The following BCAS1 variants were observed in gnomAD, a reference collection of about 807,000 sequenced individuals.
BCAS1 encodes the protein brain enriched myelin associated protein 1, also known as breast carcinoma-amplified sequence 1.
Under a neutral mutation model 65.4 loss-of-function variants are expected in BCAS1, and 46 were observed. The ratio of observed to expected loss-of-function variants is 0.70; its 90% confidence interval spans 0.55 to 0.90. The LOEUF (loss-of-function observed/expected upper bound fraction) is 0.90, where lower values mean the gene tolerates loss of function less well. Among genes scored for constraint, BCAS1 ranks in the 40% least tolerant of loss-of-function variants. The pLI is 0.00. For synonymous variants in BCAS1, 298 were observed against 293.5 expected, an observed-to-expected ratio of 1.02 and a Z score of -0.16; for missense variants, 793 against 771.2, an observed-to-expected ratio of 1.03 and a Z score of -0.33.
intron 3 of BCAS1, among the ~76,000 whole-genome samples, chr20:54,033,724 A>T (rs1440859625): frequency 2.0e-5 from 3 of 151,304 alleles, no homozygotes; most frequent in Non-Finnish European, 4.4e-5. Context: ...CAGTTGTACA[A>T]AGAAGAGCTG....
At chr20:54,017,189 C>T (rs2050194747) in intron 4 of BCAS1, among the ~76,000 whole-genome samples, 1 of 152,178 alleles carries the variant, frequency 6.6e-6, no homozygotes. Context: ...TTTCTCTTTT[C>T]TCCCTCAGCA....
At chr20:53,993,665 C>T (rs1029641515) in intron 6 of BCAS1, among the ~76,000 whole-genome samples, 1 of 152,156 alleles carries the variant, frequency 6.6e-6, no homozygotes, top group Non-Finnish European at 1.5e-5. Flanking sequence ...TGTTTAGAGC[C>T]TTTTACGCTA....
chr20:54,052,871 A>G (rs1164450785), intron 3 of BCAS1, among the ~76,000 whole-genome samples: 1 of 152,242 alleles, frequency 6.6e-6, no homozygotes, highest in African/African-American at 2.4e-5. Context: ...TTACGAGACC[A>G]TTGTACGGAT....
chr20:54,033,041 CT>C (rs1348634719), intron 3 of BCAS1, among the ~76,000 whole-genome samples: 3 of 151,238 alleles, frequency 2.0e-5, no homozygotes, highest in Middle Eastern at 3.2e-3. Context: ...TGACCTGCTC[CT>C]GAATGACTTT....
At chr20:53,946,538 G>A (rs1159400210) in intron 12 of BCAS1, among the ~76,000 whole-genome samples, 1 of 149,964 alleles carries the variant, frequency 6.7e-6, no homozygotes, top group South Asian at 2.1e-4. Context: ...CACATAGAGA[G>A]AGTATAGTAT....
chr20:54,028,456 T>C lies in BCAS1; in HGVS notation c.659A>G (p.His220Arg), dbSNP rs750308306. Residue 220 changes from histidine (H) to arginine (R), a missense_variant, in exon 4 of 13, where the codon CAT becomes CGT. Physicochemically the swap from His to Arg is conservative, Grantham distance 29. Coordinates refer to ENST00000688948, the MANE Select transcript of BCAS1 (RefSeq NM_001366298.2). ...DSQQEAKRAE[H>R]QDKVDEVPGL... ...AGGAACCTCATCCACCTTGTCTTGA[T>C]GCTCTGCCCTCTTGGCTTCCTGTTG... is the stretch of plus-strand genomic sequence containing the variant. The C allele has an allele frequency of 6.2e-7, 1 of 1,614,146 alleles. No individual in the cohort carries two copies. Among genetic ancestry groups the C allele is most frequent in the African/African-American group, 1.3e-5 (1 of 74,956 alleles).
At chr20:53,998,582 G>A (rs1208095860) in intron 4 of BCAS1, among the ~76,000 whole-genome samples, 1 of 152,228 alleles carries the variant, frequency 6.6e-6, no homozygotes, top group African/African-American at 2.4e-5. Context: ...GATGGCCCAA[G>A]CCATTCATGA....
At chr20:53,979,065 T>A (rs2090409761) in intron 8 of BCAS1, among the ~76,000 whole-genome samples, 1 of 152,082 alleles carries the variant, frequency 6.6e-6, no homozygotes, top group South Asian at 2.1e-4. Flanking sequence ...CCCACATGGT[T>A]CCTCTTGGTA....
At chr20:54,069,555 C>T (rs963537119) in intron 1 of BCAS1, among the ~76,000 whole-genome samples, 3 of 152,204 alleles carry the variant, frequency 2.0e-5, no homozygotes, top group African/African-American at 7.2e-5. Context: ...TTCCATGAGA[C>T]CTGGAACCAG....
In BCAS1 at chr20:53,953,687, G is replaced by A. The variant is rs747449470; in HGVS notation, c.1560C>T (p.Asp520=). The change falls in exon 12 of 13, where the codon GAC becomes GAT. Residue 520 remains aspartate, a synonymous_variant. Transcript: ENST00000688948. ...GCGGTGTGATAGTCTTTTCTGTGGAGTCTGATGTCTACAGCAATTTCAAAC... is the reference window on the plus strand; with the variant it reads ...GCGGTGTGATAGTCTTTTCTGTGGAATCTGATGTCTACAGCAATTTCAAAC... ...NGKDSSCQTS[D]STEKTITPPE... is the part of the protein sequence containing the mutation. 1.2e-6 allele frequency: 2 copies of A among 1,612,286 alleles called. No homozygotes were observed. The highest frequency in any genetic ancestry group is 1.7e-5 in the Admixed American group (1 of 59,822).
In BCAS1 at chr20:53,953,550, T is replaced by C. The variant is rs2145509375; in HGVS notation, c.1697A>G (p.Glu566Gly). ...GGCCTGCTCTGTGCACTGGGCTGGT[T>C]CTTTGGCTTCCTGCTTGTTGCTCTT... ...KQKSNKQEAK[E>G]PAQCTEQATV... Residue 566 changes from glutamate (E) to glycine (G), a missense_variant, in exon 12 of 13, where the codon GAA (glutamate) becomes GGA (glycine). Transcript: ENST00000688948. 1 of 1,613,944 alleles carries C rather than the reference T, an allele frequency of 6.2e-7. No homozygotes were observed. Among genetic ancestry groups the C allele is most frequent in the East Asian group, 2.2e-5 (1 of 44,832 alleles).
At chr20:54,064,633 C>G (rs969572338) in intron 1 of BCAS1, among the ~76,000 whole-genome samples, 4 of 152,208 alleles carry the variant, frequency 2.6e-5, no homozygotes, top group Admixed American at 2.6e-4. Context: ...CCTCCGCAGT[C>G]TCGCTCTCCT....
intron 6 of BCAS1, 101 bp from the exon 7 acceptor site, chr20:53,992,747 A>G: frequency 2.6e-6 from 3 of 1,140,968 alleles, no homozygotes; most frequent in Non-Finnish European, 3.5e-6. Flanking sequence ...GTGACAATTA[A>G]CTGTTGGTAC....
intron 4 of BCAS1, among the ~76,000 whole-genome samples, chr20:54,024,630 G>A (rs2091631417): frequency 6.6e-6 from 1 of 152,208 alleles, no homozygotes; most frequent in Admixed American, 6.5e-5. Context: ...GCCAAGAAGT[G>A]AACCCTGGGG....
intron 1 of BCAS1, among the ~76,000 whole-genome samples, chr20:54,065,881 G>T (rs2092434478): frequency 6.6e-6 from 1 of 152,154 alleles, no homozygotes; most frequent in African/African-American, 2.4e-5. Context: ...TTGTATAACT[G>T]GGTGGCTGGT....
Position 53,992,654 on chromosome 20 carries a change from G to T in BCAS1, c.928-8C>A. ...ACTTTCTGCTTTCGATGCCTTTGGG[G>T]CAACAGCAGTCACAACCTCAGAACT... On this transcript the variant is annotated splice_polypyrimidine_tract_variant and splice_region_variant and intron_variant, in intron 6 of 12. Coordinates refer to ENST00000688948, the MANE Select transcript of BCAS1 (RefSeq NM_001366298.2). 1 of 1,365,840 alleles carries T rather than the reference G, an allele frequency of 7.3e-7. No homozygotes were observed. The highest frequency in any genetic ancestry group is 9.8e-7 in the Non-Finnish European group (1 of 1,021,678). 84.6% of individuals were successfully genotyped at this position (1,365,840 alleles called of 1,614,324 possible).
intron 1 of BCAS1, among the ~76,000 whole-genome samples, chr20:54,064,540 C>A (rs2092412884): frequency 6.6e-6 from 1 of 152,200 alleles, no homozygotes; most frequent in Non-Finnish European, 1.5e-5. Context: ...TCCCTTCCCC[C>A]AGAACTGGCG....
At chr20:54,020,228 T>C (rs1366414522) in intron 4 of BCAS1, among the ~76,000 whole-genome samples, 1 of 152,182 alleles carries the variant, frequency 6.6e-6, no homozygotes, top group East Asian at 1.9e-4. Flanking sequence ...CTCCGTGACT[T>C]AGTAAACTTG....
At chr20:54,037,247 G>A (rs2091915000) in intron 3 of BCAS1, among the ~76,000 whole-genome samples, 1 of 151,306 alleles carries the variant, frequency 6.6e-6, no homozygotes, top group African/African-American at 2.4e-5. Flanking sequence ...GGGGGAGCAA[G>A]GACCTTTCTT....
Sources: allele counts gnomAD v4.1 joint callset (sites outside exome capture counted in the v4.1 genomes callset), GRCh38; gene constraint gnomAD v4.1.1; transcripts MANE v1.5; gene names NCBI Gene and HGNC (gene_info 2026-07-23, HGNC 2026-07-21).